NLGN1: variants seen among roughly 807,000 people sequenced by gnomAD.
The protein encoded by NLGN1 is neuroligin 1, also known as neuroligin-1.
A neutral mutation model predicts 65.5 loss-of-function variants in NLGN1; 12 were observed. The ratio of observed to expected loss-of-function variants is 0.18; its 90% CI spans 0.12 to 0.30. NLGN1 has a LOEUF of 0.30. Among genes scored for constraint, NLGN1 ranks in the 10% least tolerant of loss-of-function variants. The pLI is 1.00. For missense variants in NLGN1, 750 were observed against 1,007.1 expected (o/e 0.74, Z 3.46); for synonymous variants, 350 against 359.5 (o/e 0.97, Z 0.30).
In NLGN1 at chr3:173,583,006, T is replaced by C. The variant is rs138589784; in HGVS notation, c.-320-21273T>C. On this transcript the variant is annotated intron_variant, in intron 2 of 6. Transcript: ENST00000457714. ...AATATGTCATCTTCCCTCAGTGCTT[T>C]CTGATGTCACCAGTTATTTATCAGG... is the stretch of plus-strand genomic sequence containing the variant. 2.5e-3 allele frequency among the ~76,000 whole-genome samples: 378 copies of C among 152,316 alleles called. 3 individuals carry two copies. Among genetic ancestry groups the C allele is most frequent in the African/African-American group, 8.5e-3 (353 of 41,578 alleles).
chr3:174,263,143 G>GA (rs1325062235), intron 4 of NLGN1, among the ~76,000 whole-genome samples: 10 of 150,296 alleles, frequency 6.7e-5, no homozygotes, highest in African/African-American at 1.2e-4. Context: ...GTGTGGTGCT[G>GA]AAAAAAATGT....
rs80015144 is a variant in NLGN1 at position 174,234,598 on chromosome 3, T to C, written c.647-40717T>C. On this transcript the variant is annotated intron_variant, in intron 4 of 6. Transcript: ENST00000457714. ...GCTGATGAGCACTAGTTTTAGGTTT[T>C]TTCTATCTATTGGGAGACTGCCTTT... 6.0e-3 allele frequency among the ~76,000 whole-genome samples: 911 copies of C among 152,266 alleles called. 24 individuals are homozygous for C. The highest frequency in any genetic ancestry group is 0.03 in the East Asian group (156 of 5,154).
At chr3:173,422,609 C>T (rs554702925) in intron 1 of NLGN1, among the ~76,000 whole-genome samples, 1 of 152,176 alleles carries the variant, frequency 6.6e-6, no homozygotes, top group African/African-American at 2.4e-5. Flanking sequence ...AAACCTTCCT[C>T]TTTCTCCTTG....
chr3:173,508,010 T>A (rs1479178664), intron 2 of NLGN1, among the ~76,000 whole-genome samples: 1 of 152,160 alleles, frequency 6.6e-6, no homozygotes, highest in African/African-American at 2.4e-5. Flanking sequence ...ACCTAATAAA[T>A]GTTAGTGATA....
chr3:173,904,986 A>T (rs1467022218), intron 4 of NLGN1, among the ~76,000 whole-genome samples: 1 of 152,112 alleles, frequency 6.6e-6, no homozygotes, highest in African/African-American at 2.4e-5. Context: ...CCTCTTCTTG[A>T]GGTGAGAATC....
At chr3:174,127,962 C>T (rs1478625712) in intron 4 of NLGN1, among the ~76,000 whole-genome samples, 1 of 152,084 alleles carries the variant, frequency 6.6e-6, no homozygotes, top group Non-Finnish European at 1.5e-5. Flanking sequence ...TGTACAGAAG[C>T]GGCTTCTGCT....
chr3:173,833,573 G>A (rs1354911990), intron 4 of NLGN1, among the ~76,000 whole-genome samples: 1 of 151,140 alleles, frequency 6.6e-6, no homozygotes, highest in Non-Finnish European at 1.5e-5. Context: ...AGGCTGGTGT[G>A]CAGTGGCACA....
intron 3 of NLGN1, among the ~76,000 whole-genome samples, chr3:173,702,665 A>G (rs141871390): frequency 6.6e-5 from 10 of 152,284 alleles, no homozygotes; most frequent in African/African-American, 2.4e-4. Flanking sequence ...AAGAATGTAT[A>G]CATGTATTTT....
intron 2 of NLGN1, among the ~76,000 whole-genome samples, chr3:173,556,517 A>G (rs979526335): frequency 2.0e-5 from 3 of 152,136 alleles, no homozygotes; most frequent in African/African-American, 7.2e-5. Flanking sequence ...GTTTTTATTT[A>G]AAGACTTTTA....
At chr3:173,730,847 C>T (rs937571163) in intron 3 of NLGN1, among the ~76,000 whole-genome samples, 1 of 152,022 alleles carries the variant, frequency 6.6e-6, no homozygotes, top group Non-Finnish European at 1.5e-5. Context: ...CAGATTTGAG[C>T]ACCTGTAGAA....
intron 1 of NLGN1, among the ~76,000 whole-genome samples, chr3:173,427,505 A>C (rs1716340040): frequency 6.6e-6 from 1 of 151,860 alleles, no homozygotes; most frequent in South Asian, 2.1e-4. Flanking sequence ...TTTGGTATGT[A>C]GTGTTTCCAT....
intron 4 of NLGN1, among the ~76,000 whole-genome samples, chr3:173,992,460 T>G (rs977244845): frequency 6.6e-6 from 1 of 152,156 alleles, no homozygotes; most frequent in Non-Finnish European, 1.5e-5. Flanking sequence ...AAATGTCTGA[T>G]TCAACAAAGT....
intron 4 of NLGN1, among the ~76,000 whole-genome samples, chr3:174,039,040 C>T (rs1403513411): frequency 1.3e-5 from 2 of 152,130 alleles, no homozygotes; most frequent in Non-Finnish European, 2.9e-5. Context: ...AAAAATTGCT[C>T]ATTGAATATA....
intron 3 of NLGN1, among the ~76,000 whole-genome samples, chr3:173,738,107 T>A (rs1237945992): frequency 6.6e-6 from 1 of 152,040 alleles, no homozygotes; most frequent in Non-Finnish European, 1.5e-5. Flanking sequence ...TTTAAATTTT[T>A]ATTATTGAAT....
At chr3:173,724,819 G>A (rs1560241441) in intron 3 of NLGN1, among the ~76,000 whole-genome samples, 5 of 152,302 alleles carry the variant, frequency 3.3e-5, no homozygotes, top group African/African-American at 9.6e-5. Context: ...TTAAGAAAAT[G>A]TGGCACATAT....
intron 4 of NLGN1, among the ~76,000 whole-genome samples, chr3:174,181,853 G>T (rs536710562): frequency 1.0e-3 from 155 of 151,250 alleles, no homozygotes; most frequent in Middle Eastern, 6.8e-3. Context: ...GCATGTGCCT[G>T]TAGTCCCAGC....
intron 4 of NLGN1, among the ~76,000 whole-genome samples, chr3:174,067,072 G>GTT (rs1738771025): frequency 2.0e-5 from 3 of 151,992 alleles, no homozygotes; most frequent in Non-Finnish European, 4.4e-5. Context: ...GTTTCACTGA[G>GTT]AGAAGTTACC....
At chr3:173,494,207 C>A (rs1283319089) in intron 2 of NLGN1, among the ~76,000 whole-genome samples, 1 of 150,402 alleles carries the variant, frequency 6.6e-6, no homozygotes, top group Admixed American at 6.7e-5. Flanking sequence ...TGGTATTGTT[C>A]TGTTTAGTTT....
intron 4 of NLGN1, among the ~76,000 whole-genome samples, chr3:173,915,742 A>G (rs1198761038): frequency 6.6e-6 from 1 of 152,166 alleles, no homozygotes; most frequent in Non-Finnish European, 1.5e-5. Flanking sequence ...CGTTCTTGTC[A>G]TGGGCTAGTC....
Sources: gnomAD v4.1 joint callset for allele counts (sites outside exome capture counted in the v4.1 genomes callset) on GRCh38, gnomAD v4.1.1 for gene constraint, MANE v1.5 for transcripts, NCBI Gene and HGNC (gene_info 2026-07-23, HGNC 2026-07-21) for gene names.